The following CSMD1 variants were observed in gnomAD, a reference collection of about 807,000 sequenced individuals.
CSMD1 encodes the protein CUB and sushi domain-containing protein 1.
CSMD1 carries 213 observed loss-of-function variants against 417.5 expected under a neutral mutation model. The observed-to-expected ratio is 0.51, with a 90% CI of 0.46 to 0.57. CSMD1 has a LOEUF of 0.57. Among genes scored for constraint, CSMD1 ranks in the 20% least tolerant of loss-of-function variants. The probability of loss-of-function intolerance (pLI) is 0.00; values close to 1 mark genes in which losing one functional copy is unlikely to be tolerated. For missense variants in CSMD1, 6,923 were observed against 4,529.7 expected, an observed-to-expected ratio of 1.53 and a Z score of -15.17; for synonymous variants, 2,862 against 1,736.8, an observed-to-expected ratio of 1.65 and a Z score of -16.11.
intron 3 of CSMD1, among the ~76,000 whole-genome samples, chr8:4,085,548 G>A (rs985276390): frequency 6.6e-6 from 1 of 152,034 alleles, no homozygotes; most frequent in Non-Finnish European, 1.5e-5. Flanking sequence ...ACCCTAATAA[G>A]CTGGACAAGC....
Position 3,500,593 on chromosome 8 carries a change from G to A in CSMD1, c.1345-6867C>T, listed in dbSNP as rs553171842. 3.3e-5 allele frequency among the ~76,000 whole-genome samples: 5 copies of A among 152,168 alleles called. No homozygotes were observed. The South Asian group carries it at 1.0e-3, about 32-fold the overall frequency. ...AGAAATGACAAAGAAAAAAGAATCT[G>A]TGGTAGGGAGGACACCAAGAATATG... On this transcript the variant is annotated intron_variant, in intron 10 of 69. Transcript: ENST00000635120.
intron 4 of CSMD1, among the ~76,000 whole-genome samples, chr8:4,025,502 G>C (rs188671364): frequency 3.3e-5 from 5 of 152,152 alleles, no homozygotes; most frequent in Non-Finnish European, 7.4e-5. Flanking sequence ...AGAGGCAAAA[G>C]CATTTTTCAT....
intron 3 of CSMD1, among the ~76,000 whole-genome samples, chr8:4,036,480 T>C (rs548257128): frequency 1.3e-5 from 2 of 152,306 alleles, no homozygotes; most frequent in South Asian, 4.2e-4. Flanking sequence ...AAAAGAAATA[T>C]TTGTAAACAC....
At chr8:4,141,383 G>A (rs563966154) in intron 3 of CSMD1, among the ~76,000 whole-genome samples, 1 of 151,112 alleles carries the variant, frequency 6.6e-6, no homozygotes, top group Non-Finnish European at 1.5e-5. Context: ...AGAATACCAA[G>A]AAGCTAAAGA....
intron 54 of CSMD1, among the ~76,000 whole-genome samples, chr8:2,987,394 C>G (rs1350407241): frequency 1.4e-5 from 2 of 147,882 alleles, no homozygotes; most frequent in South Asian, 4.2e-4. Context: ...ATATAAGAAA[C>G]AGAAATATTT....
intron 1 of CSMD1, among the ~76,000 whole-genome samples, chr8:4,969,343 T>C (rs752507812): frequency 6.6e-6 from 1 of 151,948 alleles, no homozygotes; most frequent in African/African-American, 2.4e-5. Flanking sequence ...CATTTCCTTA[T>C]ATAATGAGGA....
intron 9 of CSMD1, among the ~76,000 whole-genome samples, chr8:3,578,456 G>A (rs917098585): frequency 6.6e-6 from 1 of 152,154 alleles, no homozygotes; most frequent in African/African-American, 2.4e-5. Flanking sequence ...GGCAGTGCAC[G>A]CAGGCCCTTG....
At chr8:3,363,866 G>C (rs1452246783) in intron 20 of CSMD1, among the ~76,000 whole-genome samples, 2 of 152,194 alleles carry the variant, frequency 1.3e-5, no homozygotes, top group Admixed American at 1.3e-4. Flanking sequence ...TTAGCAACTA[G>C]TAGCAGACAA....
rs73659218 is a variant in CSMD1, at chr8:4,863,923, T to C, written c.85+130409A>G. On this transcript the variant is annotated intron_variant, in intron 1 of 69. Transcript: ENST00000635120. ...AAGCAAAAAGGAAGTGAAATGTTATTTTTCTTCATAAATAAATCCTAAAAT... is the reference window on the plus strand; with the variant it reads ...AAGCAAAAAGGAAGTGAAATGTTATCTTTCTTCATAAATAAATCCTAAAAT... Among the ~76,000 whole-genome samples, 1,436 of 146,096 alleles carry C rather than the reference T, an allele frequency of 9.8e-3. 30 individuals are homozygous for C. Among genetic ancestry groups the C allele is most frequent in the African/African-American group, 0.035 (1,375 of 39,518 alleles).
intron 3 of CSMD1, among the ~76,000 whole-genome samples, chr8:4,311,722 CAAA>C (rs35480252): frequency 1.5e-4 from 16 of 110,274 alleles, no homozygotes; most frequent in African/African-American, 3.0e-4. Context: ...GACTCAGTCT[CAAA>C]AAAAAAAAAA....
At chr8:4,470,789 G>A (rs1192069774) in intron 2 of CSMD1, among the ~76,000 whole-genome samples, 2 of 152,144 alleles carry the variant, frequency 1.3e-5, no homozygotes, top group Non-Finnish European at 2.9e-5. Flanking sequence ...AATATTTAAG[G>A]ATTGTCTAAC....
In CSMD1 at chr8:3,360,304, C is replaced by A. The variant is rs571295332; in HGVS notation, c.3116-964G>T. On this transcript the variant is annotated intron_variant, in intron 20 of 69. Coordinates refer to ENST00000635120, the MANE Select transcript of CSMD1 (RefSeq NM_033225.6). Reference sequence around the variant, plus strand: ...TTTTGGGAGTAAGTATTCAAAATGTCAGCACTGATATCTCACTTCTGTGTT... The same window carrying A: ...TTTTGGGAGTAAGTATTCAAAATGTAAGCACTGATATCTCACTTCTGTGTT... 2.6e-5 allele frequency among the ~76,000 whole-genome samples: 4 copies of A among 152,292 alleles called. No homozygotes were observed. The South Asian group carries it at 8.3e-4, about 32-fold the overall frequency.
At chr8:4,001,043 G>C (rs1356713063) in intron 4 of CSMD1, among the ~76,000 whole-genome samples, 1 of 100,270 alleles carries the variant, frequency 1.0e-5, no homozygotes, top group Non-Finnish European at 2.1e-5. Flanking sequence ...TTTCAGAGGG[G>C]AAAATAAAAA....
intron 3 of CSMD1, among the ~76,000 whole-genome samples, chr8:4,332,552 TACACACACACACACACACACACAC>T (rs368534632): frequency 2.2e-3 from 283 of 128,812 alleles, no homozygotes; most frequent in African/African-American, 6.8e-3. Context: ...TGATATCACA[TACACACACACACACACACACACAC>T]ACACACACAC....
chr8:3,313,734 T>TGGAA (rs1294531024), intron 23 of CSMD1, among the ~76,000 whole-genome samples: 2 of 152,128 alleles, frequency 1.3e-5, no homozygotes. Context: ...GATCTAGAAC[T>TGGAA]AGAAATACCA....
rs1797556339 is a variant in CSMD1 at position 4,035,236 on chromosome 8, G to A, written c.416-3137C>T. 3.9e-5 allele frequency among the ~76,000 whole-genome samples: 6 copies of A among 152,230 alleles called. No homozygotes were observed. The South Asian group carries it at 1.0e-3, about 26-fold the overall frequency. On this transcript the variant is annotated intron_variant, in intron 3 of 69. Coordinates refer to ENST00000635120, the MANE Select transcript of CSMD1 (RefSeq NM_033225.6). ...TGCACGTGTCTGTGGTGACGCCGGT[G>A]TGAACAAACCACCTGTGCAGCCAGT...
intron 5 of CSMD1, among the ~76,000 whole-genome samples, chr8:3,841,402 C>G (rs766328673): frequency 7.9e-5 from 12 of 152,096 alleles, no homozygotes; most frequent in Non-Finnish European, 1.6e-4. Context: ...TGTTTGATTG[C>G]TTTTATGGAG....
At chr8:3,420,068 C>G (rs1467447838) in intron 12 of CSMD1, among the ~76,000 whole-genome samples, 1 of 152,112 alleles carries the variant, frequency 6.6e-6, no homozygotes, top group Non-Finnish European at 1.5e-5. Flanking sequence ...AGTTCTATCT[C>G]TTTGCTATTA....
intron 25 of CSMD1, among the ~76,000 whole-genome samples, chr8:3,298,762 T>C (rs1804160509): frequency 1.3e-5 from 2 of 152,178 alleles, no homozygotes; most frequent in East Asian, 1.9e-4. Context: ...CAATTATCTT[T>C]TACATAAAAT....
Sources: allele counts gnomAD v4.1 joint callset (sites outside exome capture counted in the v4.1 genomes callset), GRCh38; gene constraint gnomAD v4.1.1; transcripts MANE v1.5; gene names NCBI Gene and HGNC (gene_info 2026-07-23, HGNC 2026-07-21).